The following CCL24 variants were observed in gnomAD, a reference collection of about 807,000 sequenced individuals.
The protein encoded by CCL24 is C-C motif chemokine 24.
CCL24 carries 6 observed loss-of-function variants against 8.6 expected under a neutral mutation model. That is an observed-to-expected ratio of 0.70 (90% CI 0.38 to 1.38). CCL24 has a LOEUF of 1.38. Among genes scored for constraint, CCL24 ranks in the 40% most tolerant of loss-of-function variants. The pLI, the probability that CCL24 is intolerant of heterozygous loss-of-function variation, is 0.02. For synonymous variants in CCL24, 59 were observed against 52.7 expected, an observed-to-expected ratio of 1.12 and a Z score of -0.52; for missense variants, 126 against 147.1, an observed-to-expected ratio of 0.86 and a Z score of 0.74.
At position 75,811,439 on chromosome 7, in the gene CCL24, A is replaced by G. The variant is rs1488697149; in HGVS notation, c.*357T>C. On this transcript the variant is annotated 3_prime_UTR_variant, in exon 3 of 3. Transcript: ENST00000222902. The stretch of plus-strand genomic sequence containing the variant: ...GGTTGCAGTGAACCGAGATTGTGCC[A>G]CTGCACTCCAGCCTGGGTGACAGAG... Among the ~76,000 whole-genome samples, 2 of 151,728 alleles carry G rather than the reference A, an allele frequency of 1.3e-5. No homozygotes were observed. Among genetic ancestry groups the G allele is most frequent in the Non-Finnish European group, 2.9e-5 (2 of 67,938 alleles).
chr7:75,821,097 T>G (rs1246991967), intron 1 of CCL24, among the ~76,000 whole-genome samples: 1 of 152,058 alleles, frequency 6.6e-6, no homozygotes, highest in Non-Finnish European at 1.5e-5. Flanking sequence ...GTGATAAGTG[T>G]CCAGATGGAG....
At chr7:75,822,250 G>A (rs1377133785) in intron 1 of CCL24, among the ~76,000 whole-genome samples, 5 of 152,172 alleles carry the variant, frequency 3.3e-5, no homozygotes, top group African/African-American at 9.6e-5. Flanking sequence ...CCATGGGGAG[G>A]GCATGGCCCT....
rs371147438 is a variant in CCL24, at chr7:75,811,789, G to A, written c.*7C>T. The A allele has an allele frequency of 2.7e-4, 437 of 1,612,038 alleles. 1 individual carries two copies. Among genetic ancestry groups the A allele is most frequent in the Non-Finnish European group, 3.3e-4 (392 of 1,178,920 alleles). ...CCCAAACTCAGGGCTGGAGGGCTGG[G>A]CGGGGATTAGCAGGTGGTTTGGTTG... On this transcript the variant is annotated 3_prime_UTR_variant, in exon 3 of 3. Coordinates refer to ENST00000222902, the MANE Select transcript of CCL24 (RefSeq NM_002991.3).
upstream of CCL24, among the ~76,000 whole-genome samples, chr7:75,816,383 C>T (rs1803891222): frequency 6.6e-6 from 1 of 152,076 alleles, no homozygotes; most frequent in Non-Finnish European, 1.5e-5. Flanking sequence ...GTGAAAAATG[C>T]TGAGAGCCCA....
chr7:75,814,574 A>G (rs1390494999), upstream of CCL24, among the ~76,000 whole-genome samples: 2 of 151,746 alleles, frequency 1.3e-5, no homozygotes, highest in African/African-American at 4.8e-5. Context: ...CTTAAAATCA[A>G]TCAATCAACC....
rs71534425 is a variant in CCL24 at position 75,820,106 on chromosome 7, CCTTCTTCTT to C, written c.-60+3207_-60+3215del. ...TCTTCTTCCTCTTCTTCTTCTTCTT[CCTTCTTCTT>C]CTTCTTCTTCTTCTTCTCCTCCTCC... On this transcript the variant is annotated intron_variant, in intron 1 of 3. Transcript: ENST00000416943. Among the ~76,000 whole-genome samples, 10 of 72,070 alleles carry C rather than the reference CCTTCTTCTT, an allele frequency of 1.4e-4. 1 individual carries two copies. Among genetic ancestry groups the C allele is most frequent in the South Asian group, 7.1e-4 (1 of 1,414 alleles). The allele number at this position is 72,070 out of a possible 152,430, so 47.3% of individuals were successfully genotyped here.
In CCL24 at chr7:75,811,790, C is replaced by A. The variant is rs11465315; in HGVS notation, c.*6G>T. ...CCAAACTCAGGGCTGGAGGGCTGGG[C>A]GGGGATTAGCAGGTGGTTTGGTTGC... On this transcript the variant is annotated 3_prime_UTR_variant, in exon 3 of 3. Transcript: ENST00000222902. 1 of 1,609,946 alleles carries A rather than the reference C, an allele frequency of 6.2e-7. No individual in the cohort carries two copies. Among genetic ancestry groups the A allele is most frequent in the Non-Finnish European group, 8.5e-7 (1 of 1,177,904 alleles).
intron 2 of CCL24, 83 bp from the exon 3 acceptor site, chr7:75,812,047 G>T: frequency 8.6e-7 from 1 of 1,169,190 alleles, no homozygotes; most frequent in Non-Finnish European, 1.2e-6. Flanking sequence ...GGATGTGGAC[G>T]CCCAGAGACA....
chr7:75,819,280 AAAAAAAAAAAAAAAAAAAAAAAAATATAT>A (rs1803961601), intron 1 of CCL24, among the ~76,000 whole-genome samples: 1 of 25,424 alleles, frequency 3.9e-5, no homozygotes, highest in African/African-American at 1.7e-4. Flanking sequence ...AAAAAAAAAA[AAAAAAAAAAAAAAAAAAAAAAAAATATAT>A]ATATATATAT....
At chr7:75,816,155 C>A (rs948435057), upstream of CCL24, among the ~76,000 whole-genome samples, 7 of 152,200 alleles carry the variant, frequency 4.6e-5, no homozygotes, top group African/African-American at 1.4e-4. Context: ...CCGAGCAAAT[C>A]ACCTGTGCCA....
Position 75,811,226 on chromosome 7 carries a change from C to T in CCL24, c.*570G>A, listed in dbSNP as rs1803750396. Among the ~76,000 whole-genome samples the T allele has an allele frequency of 6.6e-6, 1 of 151,486 alleles. No homozygotes were observed. The highest frequency in any genetic ancestry group is 6.6e-5 in the Admixed American group (1 of 15,216). The stretch of plus-strand genomic sequence containing the variant: ...GGGTGTGGTGGCTCATGCCTGTAAT[C>T]CCAGCACTTTGGGAGGCCGAGGCAG... On this transcript the variant is annotated 3_prime_UTR_variant, in exon 3 of 3. Transcript: ENST00000222902.
intron 1 of CCL24, among the ~76,000 whole-genome samples, chr7:75,820,070 CTTCTTCTTCTTCTTCTTCCTCT>C (rs1803999841): frequency 7.3e-6 from 1 of 137,312 alleles, no homozygotes; most frequent in African/African-American, 2.6e-5. Flanking sequence ...TCTTCTTCTT[CTTCTTCTTCTTCTTCTTCCTCT>C]TCTTCTTCTT....
intron 1 of CCL24, among the ~76,000 whole-genome samples, chr7:75,820,401 G>A (rs774266170): frequency 1.2e-3 from 175 of 152,052 alleles, no homozygotes; most frequent in Non-Finnish European, 2.1e-3. Context: ...GACTGGTCTC[G>A]AACTCCTGGC....
intron 1 of CCL24, among the ~76,000 whole-genome samples, chr7:75,819,993 C>T (rs544174625): frequency 6.7e-6 from 1 of 148,932 alleles, no homozygotes; most frequent in South Asian, 2.1e-4. Context: ...TAGAAAGTTA[C>T]GGATGTAAGG....
chr7:75,811,908 T>C lies in CCL24; in HGVS notation c.248A>G (p.Gln83Arg). 1 of 1,610,316 alleles carries C rather than the reference T, an allele frequency of 6.2e-7. No homozygotes were observed. Among genetic ancestry groups the C allele is most frequent in the Non-Finnish European group, 8.5e-7 (1 of 1,179,430 alleles). ...GGCGTCCAGGTTCTTCATGTACCTCTGGACCCACTCCTGCTTGGGGTCGCC... is the reference window on the plus strand; with the variant it reads ...GGCGTCCAGGTTCTTCATGTACCTCCGGACCCACTCCTGCTTGGGGTCGCC... ...FCGDPKQEWV[Q>R]RYMKNLDAKQ... The change falls in exon 3 of 3, where the codon CAG (glutamine) becomes CGG (arginine). Residue 83 changes from glutamine to arginine, a missense_variant. Coordinates refer to ENST00000222902, the MANE Select transcript of CCL24 (RefSeq NM_002991.3).
At chr7:75,820,212 A>G (rs144338363) in intron 1 of CCL24, among the ~76,000 whole-genome samples, 2 of 146,550 alleles carry the variant, frequency 1.4e-5, no homozygotes, top group East Asian at 4.0e-4. Flanking sequence ...TTTGAGATGG[A>G]ATCTTGCTTT....
At chr7:75,814,787 A>G (rs1166208375), upstream of CCL24, among the ~76,000 whole-genome samples, 1 of 152,078 alleles carries the variant, frequency 6.6e-6, no homozygotes, top group Admixed American at 6.6e-5. Flanking sequence ...AATGTCTGCC[A>G]GAGGGATGCC....
At chr7:75,816,257 G>GCA (rs1554534117), upstream of CCL24, among the ~76,000 whole-genome samples, 1 of 152,184 alleles carries the variant, frequency 6.6e-6, no homozygotes, top group Non-Finnish European at 1.5e-5. Context: ...TGCCCACAGA[G>GCA]CACAACTGGA....
At chr7:75,815,541 G>T (rs1249047292), upstream of CCL24, among the ~76,000 whole-genome samples, 3 of 152,130 alleles carry the variant, frequency 2.0e-5, no homozygotes, top group African/African-American at 4.8e-5. Context: ...CAGGAGGAAA[G>T]TTCAGGAGGG....
Sources: allele counts gnomAD v4.1 joint callset (sites outside exome capture counted in the v4.1 genomes callset), GRCh38; gene constraint gnomAD v4.1.1; transcripts MANE v1.5; gene names NCBI Gene and HGNC (gene_info 2026-07-23, HGNC 2026-07-21).